Variants in AVEN observed in about 807,000 individuals in gnomAD.
AVEN encodes the protein apoptosis and caspase activation inhibitor, also known as cell death regulator Aven.
AVEN carries 41 observed loss-of-function variants against 38.1 expected under a neutral mutation model. The observed-to-expected ratio is 1.08, with a 90% confidence interval of 0.84 to 1.40. The LOEUF is 1.40. AVEN is among the 40% of genes most tolerant of loss of function. The pLI, the probability that AVEN is intolerant of heterozygous loss-of-function variation, is 0.00. For missense variants in AVEN, 605 were observed against 438.8 expected (o/e 1.38, Z -3.38); for synonymous variants, 206 against 171.8 (o/e 1.20, Z -1.56).
chr15:33,943,752 G>A (rs1894404997), intron 2 of AVEN, among the ~76,000 whole-genome samples: 1 of 149,710 alleles, frequency 6.7e-6, no homozygotes, highest in Non-Finnish European at 1.5e-5. Flanking sequence ...TTGAACTCAG[G>A]AGGCAGAGAT....
chr15:33,889,741 C>G (rs1438352129), intron 2 of AVEN, among the ~76,000 whole-genome samples: 1 of 152,100 alleles, frequency 6.6e-6, no homozygotes, highest in Admixed American at 6.6e-5. Context: ...TTTTGTTTAG[C>G]CTTCCTGTCA....
intron 1 of AVEN, among the ~76,000 whole-genome samples, chr15:34,028,090 C>T (rs1898579831): frequency 6.6e-6 from 1 of 152,184 alleles, no homozygotes; most frequent in Non-Finnish European, 1.5e-5. Context: ...GCATACCCCA[C>T]ACACAGAGAG....
intron 2 of AVEN, among the ~76,000 whole-genome samples, chr15:33,929,989 C>T (rs1011705736): frequency 2.0e-5 from 3 of 152,140 alleles, no homozygotes; most frequent in Admixed American, 6.5e-5. Flanking sequence ...AAATATTCCT[C>T]CAGTCCTTTC....
At chr15:34,009,789 G>T (rs1208975880) in intron 1 of AVEN, among the ~76,000 whole-genome samples, 1 of 152,080 alleles carries the variant, frequency 6.6e-6, no homozygotes, top group East Asian at 1.9e-4. Context: ...AGGAGTTTGA[G>T]ATCAGCCTGA....
chr15:33,989,594 A>G (rs938257469), intron 2 of AVEN, among the ~76,000 whole-genome samples: 5 of 152,056 alleles, frequency 3.3e-5, no homozygotes, highest in Non-Finnish European at 7.4e-5. Flanking sequence ...CTACCACAAT[A>G]CTAACACTAC....
chr15:33,908,016 A>T (rs1892772477), intron 2 of AVEN, among the ~76,000 whole-genome samples: 1 of 152,214 alleles, frequency 6.6e-6, no homozygotes, highest in South Asian at 2.1e-4. Flanking sequence ...AAATACTTGC[A>T]ACACATCAGA....
At chr15:33,865,144 G>GGAAGATGTACCAAGA, downstream of AVEN, 1 of 1,612,886 alleles carries the variant, frequency 6.2e-7, no homozygotes, top group Non-Finnish European at 8.5e-7. Flanking sequence ...TCTTATGTCT[G>GGAAGATGTACCAAGA]GAAGATGTAC....
At chr15:33,996,543 T>A (rs779244610) in intron 2 of AVEN, among the ~76,000 whole-genome samples, 2 of 152,214 alleles carry the variant, frequency 1.3e-5, no homozygotes, top group Non-Finnish European at 2.9e-5. Context: ...CAGCCTCCGC[T>A]GGTGATACCC....
Position 34,006,425 on chromosome 15 carries a change from G to A in AVEN, c.268-3216C>T, listed in dbSNP as rs753204. Among the ~76,000 whole-genome samples the A allele has an allele frequency of 9.9e-3, 1,506 of 152,184 alleles. 34 individuals are homozygous for A. Among genetic ancestry groups the A allele is most frequent in the African/African-American group, 0.035 (1,438 of 41,520 alleles). On this transcript the variant is annotated intron_variant, in intron 1 of 5. Coordinates refer to ENST00000306730, the MANE Select transcript of AVEN (RefSeq NM_020371.3). ...TCAATATTCTTTTGTTGGCCCATTGGGTGAACAGAGTTCAGAGAGGCTTCT... is the reference window on the plus strand; with the variant it reads ...TCAATATTCTTTTGTTGGCCCATTGAGTGAACAGAGTTCAGAGAGGCTTCT...
intron 5 of AVEN, chr15:34,062,840 C>G: frequency 6.2e-7 from 1 of 1,614,254 alleles, no homozygotes; most frequent in Non-Finnish European, 8.5e-7. Context: ...CTGTGGTAAG[C>G]CTGATCACCA....
At chr15:33,900,995 G>A (rs578008575) in intron 2 of AVEN, among the ~76,000 whole-genome samples, 40 of 152,284 alleles carry the variant, frequency 2.6e-4, no homozygotes, top group South Asian at 1.7e-3. Context: ...GGCCAGGCAC[G>A]GTGGCTCATG....
intron 1 of AVEN, among the ~76,000 whole-genome samples, chr15:34,014,961 G>A (rs1410841334): frequency 2.0e-5 from 3 of 152,082 alleles, no homozygotes; most frequent in East Asian, 1.9e-4. Flanking sequence ...GAGGGGTGCC[G>A]GATTTGAGAA....
intron 2 of AVEN, among the ~76,000 whole-genome samples, chr15:33,911,022 A>C (rs1892896627): frequency 6.6e-6 from 1 of 152,220 alleles, no homozygotes; most frequent in South Asian, 2.1e-4. Flanking sequence ...TTGGGAGAGA[A>C]GCTAAAACAG....
Position 33,884,279 on chromosome 15 carries a change from A to G in AVEN, c.446-8284T>C, listed in dbSNP as rs375620285. 4.6e-5 allele frequency among the ~76,000 whole-genome samples: 7 copies of G among 152,230 alleles called. No individual in the cohort carries two copies. The East Asian group carries it at 9.6e-4, about 21-fold the overall frequency. ...CTCAGGAAATATTTTATGATAGTTG[A>G]CATACTAATATTTGATTTGTTGACA... On this transcript the variant is annotated intron_variant, in intron 2 of 5. Coordinates refer to ENST00000306730, the MANE Select transcript of AVEN (RefSeq NM_020371.3).
chr15:33,890,170 T>C (rs1369371107), intron 2 of AVEN, among the ~76,000 whole-genome samples: 1 of 152,214 alleles, frequency 6.6e-6, no homozygotes, highest in African/African-American at 2.4e-5. Flanking sequence ...ACACATTATA[T>C]GTTCAGTAGT....
At chr15:34,001,673 A>G (rs1176514166) in intron 2 of AVEN, among the ~76,000 whole-genome samples, 3 of 148,824 alleles carry the variant, frequency 2.0e-5, no homozygotes, top group Admixed American at 6.8e-5. Flanking sequence ...GCAATCCACA[A>G]ACCTAAAGAA....
At chr15:33,955,436 G>T (rs910064546) in intron 2 of AVEN, among the ~76,000 whole-genome samples, 3 of 152,084 alleles carry the variant, frequency 2.0e-5, no homozygotes, top group Non-Finnish European at 2.9e-5. Context: ...AAATCTGCAG[G>T]CATAATCCAC....
intron 2 of AVEN, among the ~76,000 whole-genome samples, chr15:33,963,796 CAAAAAA>C (rs57116335): frequency 5.3e-5 from 6 of 112,464 alleles, no homozygotes; most frequent in Admixed American, 1.9e-4. Flanking sequence ...GACTCTGTCT[CAAAAAA>C]AAAAAAAAAA....
intron 2 of AVEN, among the ~76,000 whole-genome samples, chr15:34,067,610 T>C (rs1900543729): frequency 6.6e-6 from 1 of 152,250 alleles, no homozygotes. Context: ...TCCTTCTTGC[T>C]ACCTTTTGTG....
Sources: gnomAD v4.1 joint callset for allele counts (sites outside exome capture counted in the v4.1 genomes callset) on GRCh38, gnomAD v4.1.1 for gene constraint, MANE v1.5 for transcripts, NCBI Gene and HGNC (gene_info 2026-07-23, HGNC 2026-07-21) for gene names.